CRB1: variants seen among roughly 807,000 people sequenced by gnomAD.
CRB1 encodes the protein crumbs cell polarity complex component 1.
CRB1 carries 83 observed loss-of-function variants against 120.0 expected under a neutral mutation model. That is an observed-to-expected ratio of 0.69 (90% CI 0.58 to 0.83). The LOEUF is 0.83. Among genes scored for constraint, CRB1 ranks in the 40% least tolerant of loss-of-function variants. The pLI is 0.00. For missense variants in CRB1, 1,699 were observed against 1,687.6 expected (o/e 1.01, Z -0.12); for synonymous variants, 625 against 612.5 (o/e 1.02, Z -0.30).
intron 1 of CRB1, among the ~76,000 whole-genome samples, chr1:197,278,424 T>C (rs1655342724): frequency 6.6e-6 from 1 of 152,008 alleles, no homozygotes; most frequent in African/African-American, 2.4e-5. Context: ...TAGTCTATGA[T>C]AGTTTGTTTT....
At position 197,464,196 on chromosome 1, in the gene CRB1, G is replaced by A. The variant is rs1010250599; in HGVS notation, c.4006-13468G>A. Among the ~76,000 whole-genome samples the A allele has an allele frequency of 2.6e-5, 4 of 152,186 alleles. No homozygotes were observed. In the East Asian group the frequency reaches 5.8e-4, roughly 22 times the overall value. On this transcript the variant is annotated intron_variant, in intron 11 of 11. Transcript: ENST00000367400. ...CAGATGGCTTCCTTTTACACCCAAC[G>A]CCGTCAGTGGAATGTAAATGCGTCT...
intron 2 of CRB1, among the ~76,000 whole-genome samples, chr1:197,334,157 G>A (rs1325207658): frequency 6.6e-6 from 1 of 152,204 alleles, no homozygotes; most frequent in African/African-American, 2.4e-5. Context: ...ATGTGATGCT[G>A]ATGCTGTTAG....
intron 5 of CRB1, chr1:197,357,658 C>G (rs1424860541): frequency 6.4e-6 from 1 of 157,012 alleles, no homozygotes; most frequent in Non-Finnish European, 1.4e-5. Flanking sequence ...CTGAGAAAAC[C>G]AATTACAATC....
chr1:197,326,981 A>G (rs1013230424), intron 1 of CRB1, among the ~76,000 whole-genome samples: 27 of 151,740 alleles, frequency 1.8e-4, no homozygotes, highest in African/African-American at 6.5e-4. Flanking sequence ...TTTTCTATTA[A>G]GAACTCAAAA....
chr1:197,267,789 G>A (rs1266436652), upstream of CRB1, among the ~76,000 whole-genome samples: 1 of 152,100 alleles, frequency 6.6e-6, no homozygotes, highest in African/African-American at 2.4e-5. Flanking sequence ...AATAAAATGA[G>A]CTCTGGACTT....
chr1:197,427,658 A>T lies in CRB1; in HGVS notation c.2333A>T (p.Asn778Ile). 6.2e-7 allele frequency: 1 copy of T among 1,613,820 alleles called. No individual in the cohort carries two copies. The highest frequency in any genetic ancestry group is 8.5e-7 in the Non-Finnish European group (1 of 1,179,934). ...ERGRLAMLTP[N>I]SPKLVVKFVL... ...GGCAGACTAGCAATGCTGACTCCAA[A>T]CTCTCCCAAATTAGTAGTAAAATTT... is the stretch of plus-strand genomic sequence containing the variant. The change falls in exon 7 of 12, where the codon AAC becomes ATC. Residue 778 changes from asparagine (N) to isoleucine (I), a missense_variant. Transcript: ENST00000367400.
At chr1:197,407,649 G>T (rs982931803) in intron 5 of CRB1, among the ~76,000 whole-genome samples, 1 of 152,098 alleles carries the variant, frequency 6.6e-6, no homozygotes, top group South Asian at 2.1e-4. Flanking sequence ...ATCTGAGCCC[G>T]ATCTTGATTC....
intron 11 of CRB1, among the ~76,000 whole-genome samples, chr1:197,453,539 T>TATAGAG (rs1553266395): frequency 1.4e-4 from 8 of 58,512 alleles, no homozygotes; most frequent in African/African-American, 3.3e-4. Flanking sequence ...TATATATATA[T>TATAGAG]AGAGAGAGAG....
In CRB1 at chr1:197,372,336, A is replaced by T. The variant is rs1381162893; in HGVS notation, c.1171+15323A>T. On this transcript the variant is annotated intron_variant, in intron 5 of 11. Coordinates refer to ENST00000367400, the MANE Select transcript of CRB1 (RefSeq NM_201253.3). ...CACGTAAGGGAGCTTAGATTGACATACTGATCTTTGATGTCATTACCAATA... is the reference window on the plus strand; with the variant it reads ...CACGTAAGGGAGCTTAGATTGACATTCTGATCTTTGATGTCATTACCAATA... Among the ~76,000 whole-genome samples the T allele has an allele frequency of 3.3e-5, 5 of 152,182 alleles. No individual in the cohort carries two copies. In the East Asian group the frequency reaches 9.6e-4, roughly 29 times the overall value.
At chr1:197,383,638 G>A (rs1662068851) in intron 5 of CRB1, among the ~76,000 whole-genome samples, 1 of 152,160 alleles carries the variant, frequency 6.6e-6, no homozygotes, top group Non-Finnish European at 1.5e-5. Flanking sequence ...ACACTGTGAC[G>A]TAAACAGACT....
chr1:197,275,056 C>T (rs1655125420), intron 1 of CRB1, among the ~76,000 whole-genome samples: 1 of 151,880 alleles, frequency 6.6e-6, no homozygotes, highest in South Asian at 2.1e-4. Context: ...TCATTCAGTC[C>T]CGGGTGTTTC....
intron 11 of CRB1, among the ~76,000 whole-genome samples, chr1:197,476,515 T>C (rs1667205577): frequency 2.0e-5 from 3 of 152,122 alleles, no homozygotes; most frequent in Admixed American, 6.5e-5. Context: ...TCAATAAGTA[T>C]TGCTGATTGA....
In CRB1 at chr1:197,430,039, C is replaced by A. The variant is rs371143024; in HGVS notation, c.2842+425C>A. 3.3e-5 allele frequency among the ~76,000 whole-genome samples: 5 copies of A among 152,302 alleles called. No homozygotes were observed. In the East Asian group the frequency reaches 7.7e-4, roughly 24 times the overall value. On this transcript the variant is annotated intron_variant, in intron 8 of 11. Transcript: ENST00000367400. ...AAAATAGGGAGAACACTTTCTACTT[C>A]TTCGGTTTCTTTGTGATGATTCTAT...
intron 5 of CRB1, chr1:197,357,393 A>T: frequency 3.5e-6 from 1 of 283,978 alleles, no homozygotes; most frequent in Non-Finnish European, 6.8e-6. Flanking sequence ...ACTTATATTT[A>T]CACTGGGAAA....
the CRB1 span, among the ~76,000 whole-genome samples, chr1:197,257,068 CA>C: frequency 3.8e-4 from 57 of 151,396 alleles, no homozygotes; most frequent in African/African-American, 1.3e-3. Flanking sequence ...AGTCTGAGTC[CA>C]AAGATCTGAG....
intron 5 of CRB1, among the ~76,000 whole-genome samples, chr1:197,374,625 C>T (rs1368597427): frequency 6.6e-6 from 1 of 152,138 alleles, no homozygotes; most frequent in Non-Finnish European, 1.5e-5. Context: ...GAGAGAGCAG[C>T]TCGACACTAG....
intron 5 of CRB1, among the ~76,000 whole-genome samples, chr1:197,410,300 C>A (rs75307036): frequency 0.011 from 1,664 of 152,288 alleles, 27 homozygotes; most frequent in African/African-American, 0.038. Flanking sequence ...TAACAAACTT[C>A]GCCATCTCCA....
chr1:197,352,734 T>G (rs950487416), intron 4 of CRB1, among the ~76,000 whole-genome samples: 28 of 151,812 alleles, frequency 1.8e-4, no homozygotes, highest in African/African-American at 6.5e-4. Context: ...CTTCTTCAGA[T>G]TGTTGAGAAA....
intron 1 of CRB1, among the ~76,000 whole-genome samples, chr1:197,326,791 C>A (rs1658518460): frequency 6.6e-6 from 1 of 151,940 alleles, no homozygotes; most frequent in African/African-American, 2.4e-5. Flanking sequence ...ACAGGAAGGG[C>A]ATAGTTGGCA....
Sources: allele counts gnomAD v4.1 joint callset (sites outside exome capture counted in the v4.1 genomes callset), GRCh38; gene constraint gnomAD v4.1.1; transcripts MANE v1.5; gene names NCBI Gene and HGNC (gene_info 2026-07-23, HGNC 2026-07-21).